HLTF: variants seen among roughly 807,000 people sequenced by gnomAD.
HLTF encodes the protein helicase like transcription factor.
HLTF carries 127 observed loss-of-function variants against 129.4 expected under a neutral mutation model. The ratio of observed to expected loss-of-function variants is 0.98; its 90% CI spans 0.85 to 1.14. The LOEUF (loss-of-function observed/expected upper bound fraction) is 1.14, where lower values mean the gene tolerates loss of function less well. Ranked by LOEUF, HLTF falls within the 50% of genes most tolerant of loss-of-function variation. HLTF has a pLI of 0.00. For synonymous variants in HLTF, 332 were observed against 388.8 expected, an observed-to-expected ratio of 0.85 and a Z score of 1.72; for missense variants, 1,139 against 1,187.1, an observed-to-expected ratio of 0.96 and a Z score of 0.60.
In HLTF at chr3:149,066,348, G is replaced by A. The variant is rs1718383472; in HGVS notation, c.991-1482C>T. ...GGAATGAGTCACTATGCCCAGCTTTGCATTATTCTTTATATTAAAATATTT... is the reference window on the plus strand; with the variant it reads ...GGAATGAGTCACTATGCCCAGCTTTACATTATTCTTTATATTAAAATATTT... On this transcript the variant is annotated intron_variant, in intron 8 of 24. Coordinates refer to ENST00000310053, the MANE Select transcript of HLTF (RefSeq NM_003071.4). 3.9e-5 allele frequency among the ~76,000 whole-genome samples: 6 copies of A among 152,034 alleles called. No individual in the cohort carries two copies. In the South Asian group the frequency reaches 1.2e-3, roughly 32 times the overall value.
Position 149,071,243 on chromosome 3 carries a change from A to T in HLTF, c.894+9T>A, listed in dbSNP as rs780650076. The T allele has an allele frequency of 3.3e-6, 5 of 1,501,440 alleles. No homozygotes were observed. The highest frequency in any genetic ancestry group is 2.2e-5 in the Admixed American group (1 of 44,822). 93.0% of individuals were successfully genotyped at this position (1,501,440 alleles called of 1,614,324 possible). On this transcript the variant is annotated intron_variant, in intron 7 of 24. Transcript: ENST00000310053. ...TTAGATTTTATTAACTAAAGAAAAAAATAATTACCAAACCCATATCATCAG... is the reference window on the plus strand; with the variant it reads ...TTAGATTTTATTAACTAAAGAAAAATATAATTACCAAACCCATATCATCAG...
At chr3:149,077,755 G>C (rs922991510) in intron 2 of HLTF, among the ~76,000 whole-genome samples, 1 of 151,878 alleles carries the variant, frequency 6.6e-6, no homozygotes, top group African/African-American at 2.4e-5. Flanking sequence ...CTGAACTTGA[G>C]CATTTAAACA....
At position 149,065,428 on chromosome 3, in the gene HLTF, T is replaced by G. The variant is rs186585684; in HGVS notation, c.991-562A>C. ...TCCAAAGGCACCAATGTACATGAAT[T>G]GAAAACAATTTTATAAAATTTGAAT... On this transcript the variant is annotated intron_variant, in intron 8 of 24. Coordinates refer to ENST00000310053, the MANE Select transcript of HLTF (RefSeq NM_003071.4). 3.3e-3 allele frequency among the ~76,000 whole-genome samples: 505 copies of G among 152,336 alleles called. 3 individuals are homozygous for G. The highest frequency in any genetic ancestry group is 0.021 in the South Asian group (102 of 4,828).
chr3:149,036,623 A>G (rs1715656814), intron 23 of HLTF, among the ~76,000 whole-genome samples: 1 of 152,018 alleles, frequency 6.6e-6, no homozygotes, highest in African/African-American at 2.4e-5. Context: ...GTTCAATGAA[A>G]AGGTAAAAGA....
chr3:149,085,422 T>C (rs111619107), intron 1 of HLTF, among the ~76,000 whole-genome samples: 7,599 of 152,016 alleles, frequency 0.05, 547 homozygotes, highest in African/African-American at 0.16. Context: ...CCGGGAGGCG[T>C]AGGTTGCAGC....
intron 1 of HLTF, 101 bp downstream of exon 1, chr3:149,086,216 A>G (rs1174717494): frequency 8.1e-7 from 1 of 1,233,398 alleles, no homozygotes; most frequent in African/African-American, 1.5e-5. Flanking sequence ...CAGCTGCACA[A>G]ATCGCCCAGG....
Position 149,030,962 on chromosome 3 carries a change from T to C in HLTF, c.*1258A>G, listed in dbSNP as rs1385970684. ...TTCCAACACTCTTAAGTCTCAGGTA[T>C]TCTTAAATCTGTATCATCAAACATG... is the stretch of plus-strand genomic sequence containing the variant. On this transcript the variant is annotated 3_prime_UTR_variant, in exon 25 of 25. Coordinates refer to ENST00000310053, the MANE Select transcript of HLTF (RefSeq NM_003071.4). 6.6e-6 allele frequency: 1 copy of C among 152,202 alleles called. No individual in the cohort carries two copies. Among genetic ancestry groups the C allele is most frequent in the Non-Finnish European group, 1.5e-5 (1 of 68,028 alleles). 9.4% of individuals were successfully genotyped at this position (152,202 alleles called of 1,614,324 possible).
At position 149,073,314 on chromosome 3, in the gene HLTF, A is replaced by C; in HGVS notation, c.538T>G (p.Phe180Val). The change falls in exon 5 of 25, where the codon TTC becomes GTC. Residue 180 changes from phenylalanine (F) to valine (V), a missense_variant. Coordinates refer to ENST00000310053, the MANE Select transcript of HLTF (RefSeq NM_003071.4). Reference protein sequence around the residue: ...KLGPAPKTLGFNLESGWGSGR... With the variant: ...KLGPAPKTLGVNLESGWGSGR... ...GAGCCCCAACCACTTTCCAAATTGA[A>C]TCCTAAAGCTATAATTTACAAAATA... is the stretch of plus-strand genomic sequence containing the variant. The C allele has an allele frequency of 6.2e-7, 1 of 1,605,524 alleles. No individual in the cohort carries two copies. The highest frequency in any genetic ancestry group is 1.7e-5 in the Admixed American group (1 of 59,426).
chr3:149,069,931 G>GT (rs1228107199), intron 7 of HLTF, among the ~76,000 whole-genome samples: 1 of 152,184 alleles, frequency 6.6e-6, no homozygotes, highest in African/African-American at 2.4e-5. Context: ...ATTAATGAAT[G>GT]TAAGTTTTGG....
rs1715099343 is a variant in HLTF, at chr3:149,032,001, T to C, written c.*219A>G. ...AAAGTAACCTTTTTTCTCAAATTAT[T>C]TCAGGCCACAGTATATAACGGAACT... On this transcript the variant is annotated 3_prime_UTR_variant, in exon 25 of 25. Coordinates refer to ENST00000310053, the MANE Select transcript of HLTF (RefSeq NM_003071.4). 1 of 328,236 alleles carries C rather than the reference T, an allele frequency of 3.0e-6. No individual in the cohort carries two copies. The highest frequency in any genetic ancestry group is 4.8e-5 in the Admixed American group (1 of 20,888). 20.3% of individuals were successfully genotyped at this position (328,236 alleles called of 1,614,324 possible).
At chr3:149,041,343 T>C (rs1237276562) in intron 20 of HLTF, 147 bp downstream of exon 20, 2 of 447,806 alleles carry the variant, frequency 4.5e-6, no homozygotes, top group Non-Finnish European at 7.8e-6. Flanking sequence ...AGAAGAAATA[T>C]ATCACCTATT....
At chr3:149,083,610 T>G (rs1392615224) in intron 2 of HLTF, 2 of 152,056 alleles carry the variant, frequency 1.3e-5, no homozygotes, top group Non-Finnish European at 2.9e-5. Context: ...TAAGAACTGA[T>G]AGAGTTCAAG....
At chr3:149,071,170 A>G (rs1718824474) in intron 7 of HLTF, 82 bp downstream of exon 7, 2 of 841,552 alleles carry the variant, frequency 2.4e-6, no homozygotes, top group Non-Finnish European at 3.7e-6. Context: ...ACATATTCCT[A>G]TCTCTTTTTA....
At chr3:149,060,411 TA>T (rs572580855) in intron 12 of HLTF, among the ~76,000 whole-genome samples, 87 of 152,302 alleles carry the variant, frequency 5.7e-4, no homozygotes, top group Non-Finnish European at 1.1e-3. Flanking sequence ...GTTTTAAGTA[TA>T]GTTTAAATAT....
chr3:149,070,647 A>G (rs139548011), intron 7 of HLTF, among the ~76,000 whole-genome samples: 7 of 152,362 alleles, frequency 4.6e-5, no homozygotes, highest in African/African-American at 1.7e-4. Flanking sequence ...GCATAACACA[A>G]TATTTGTGAT....
At chr3:149,035,385 A>G (rs1715483668) in intron 23 of HLTF, among the ~76,000 whole-genome samples, 1 of 152,140 alleles carries the variant, frequency 6.6e-6, no homozygotes, top group Admixed American at 6.5e-5. Context: ...TCTTGGGCCT[A>G]TTTAGTTTTC....
intron 24 of HLTF, among the ~76,000 whole-genome samples, chr3:149,032,608 A>G (rs1715194301): frequency 1.3e-5 from 2 of 152,122 alleles, no homozygotes; most frequent in Non-Finnish European, 2.9e-5. Context: ...GCAAAGCAAT[A>G]AAGAAAAAAA....
intron 1 of HLTF, 102 bp downstream of exon 1, chr3:149,086,215 A>C: frequency 8.1e-7 from 1 of 1,227,874 alleles, no homozygotes; most frequent in Non-Finnish European, 1.2e-6. Flanking sequence ...ACAGCTGCAC[A>C]AATCGCCCAG....
At chr3:149,074,829 G>A (rs1325750987) in intron 3 of HLTF, among the ~76,000 whole-genome samples, 2 of 152,002 alleles carry the variant, frequency 1.3e-5, no homozygotes, top group Admixed American at 6.6e-5. Context: ...ACTCACCTAG[G>A]ATTATATGAA....
Sources: gnomAD v4.1 joint callset for allele counts (sites outside exome capture counted in the v4.1 genomes callset) on GRCh38, gnomAD v4.1.1 for gene constraint, MANE v1.5 for transcripts, NCBI Gene and HGNC (gene_info 2026-07-23, HGNC 2026-07-21) for gene names.